The following FAT4 variants were observed in gnomAD, a reference collection of about 807,000 sequenced individuals.
FAT4 encodes the protein protocadherin Fat 4.
A neutral mutation model predicts 303.9 loss-of-function variants in FAT4; 84 were observed. The observed-to-expected ratio is 0.28, with a 90% CI of 0.23 to 0.33. FAT4 has a LOEUF of 0.33. Among genes scored for constraint, FAT4 ranks in the 10% least tolerant of loss-of-function variants. FAT4 has a pLI of 1.00. For synonymous variants in FAT4, 2,307 were observed against 2,298.8 expected, an observed-to-expected ratio of 1.00 and a Z score of -0.10; for missense variants, 6,005 against 6,146.8, an observed-to-expected ratio of 0.98 and a Z score of 0.77.
chr4:125,356,843 T>C (rs1204024305), intron 2 of FAT4, among the ~76,000 whole-genome samples: 1 of 151,134 alleles, frequency 6.6e-6, no homozygotes, highest in Non-Finnish European at 1.5e-5. Context: ...ATCATAGATA[T>C]CTGTATATCA....
At chr4:125,366,450 TA>T (rs1732889809) in intron 2 of FAT4, among the ~76,000 whole-genome samples, 1 of 152,212 alleles carries the variant, frequency 6.6e-6, no homozygotes, top group South Asian at 2.1e-4. Flanking sequence ...AATGGCTGCG[TA>T]GTATTCCATG....
intron 2 of FAT4, among the ~76,000 whole-genome samples, chr4:125,323,678 G>A (rs1339379299): frequency 6.6e-6 from 1 of 152,082 alleles, no homozygotes. Context: ...TATTATTATT[G>A]GTTGGATTTT....
chr4:125,365,378 TCTC>T (rs1393718767), intron 2 of FAT4, among the ~76,000 whole-genome samples: 2 of 152,184 alleles, frequency 1.3e-5, no homozygotes, highest in African/African-American at 2.4e-5. Flanking sequence ...TGGACTCTCT[TCTC>T]ATCATTCAAG....
rs865943935 is a variant in FAT4 at position 125,429,330 on chromosome 4, G to A, written c.7019-4915G>A. ...ACAAGACCTAATGGTATGCATTATG[G>A]GCTAATATAAAAATTAATTAAACAT... On this transcript the variant is annotated intron_variant, in intron 7 of 17. Coordinates refer to ENST00000394329, the MANE Select transcript of FAT4 (RefSeq NM_001291303.3). 1.6e-4 allele frequency among the ~76,000 whole-genome samples: 25 copies of A among 152,178 alleles called. No individual in the cohort carries two copies. In the South Asian group the frequency reaches 2.7e-3, roughly 16 times the overall value.
At chr4:125,471,895 CAAAAAAAAAAA>C (rs60730341) in intron 12 of FAT4, among the ~76,000 whole-genome samples, 12 of 56,118 alleles carry the variant, frequency 2.1e-4, no homozygotes, top group Admixed American at 6.3e-4. Flanking sequence ...ACTAAAAATA[CAAAAAAAAAAA>C]AAAAAAAAAA....
At chr4:125,362,997 G>A (rs1455609314) in intron 2 of FAT4, 3 of 151,630 alleles carry the variant, frequency 2.0e-5, no homozygotes, top group African/African-American at 7.3e-5. Flanking sequence ...TTAGTTGGAT[G>A]GTTTATATAA....
intron 2 of FAT4, among the ~76,000 whole-genome samples, chr4:125,395,816 CAAT>C (rs558801172): frequency 2.6e-4 from 40 of 152,132 alleles, no homozygotes; most frequent in African/African-American, 9.6e-4. Context: ...GTTTTGAACT[CAAT>C]AATATTTAAC....
At chr4:125,410,522 G>A (rs1278282471) in intron 5 of FAT4, among the ~76,000 whole-genome samples, 4 of 152,054 alleles carry the variant, frequency 2.6e-5, no homozygotes, top group African/African-American at 9.7e-5. Context: ...TATTTTCAAA[G>A]CTAATCATGT....
At chr4:125,377,433 T>C (rs1733375983) in intron 2 of FAT4, among the ~76,000 whole-genome samples, 1 of 152,154 alleles carries the variant, frequency 6.6e-6, no homozygotes, top group Non-Finnish European at 1.5e-5. Flanking sequence ...TATTTATGAT[T>C]TGCTTGCTTT....
chr4:125,333,802 C>T (rs746923570), intron 2 of FAT4, among the ~76,000 whole-genome samples: 6 of 152,036 alleles, frequency 3.9e-5, no homozygotes, highest in African/African-American at 7.2e-5. Flanking sequence ...TTGAAAACAT[C>T]GGTGCTGTTT....
chr4:125,426,171 A>G lies in FAT4; in HGVS notation c.7019-8074A>G, dbSNP rs76087738. 5.7e-3 allele frequency among the ~76,000 whole-genome samples: 874 copies of G among 152,182 alleles called. 39 individuals are homozygous for G. In the East Asian group the frequency reaches 0.082, roughly 14 times the overall value. ...AAAAGAGAGGTCAGAATTGTGTAAT[A>G]TGACATTTTACATCCGAAGATAATT... On this transcript the variant is annotated intron_variant, in intron 7 of 17. Transcript: ENST00000394329.
Position 125,448,987 on chromosome 4 carries a change from A to G in FAT4, c.7977A>G (p.Ile2659Met), listed in dbSNP as rs1166806930. 1 of 1,613,808 alleles carries G rather than the reference A, an allele frequency of 6.2e-7. No individual in the cohort carries two copies. The highest frequency in any genetic ancestry group is 8.5e-7 in the Non-Finnish European group (1 of 1,179,904). Reference protein sequence around the residue: ...PPFSSYEKLDITVLDVNDNAP... With the variant: ...PPFSSYEKLDMTVLDVNDNAP... ...TCTCCTCTTACGAGAAACTTGATATAACAGTATTAGATGTCAATGATAATG... is the reference window on the plus strand; with the variant it reads ...TCTCCTCTTACGAGAAACTTGATATGACAGTATTAGATGTCAATGATAATG... The change falls in exon 10 of 18, where the codon ATA becomes ATG. Residue 2659 changes from isoleucine to methionine, a missense_variant. By Grantham distance (10) the Ile-to-Met change is conservative (BLOSUM62 1). Coordinates refer to ENST00000394329, the MANE Select transcript of FAT4 (RefSeq NM_001291303.3).
chr4:125,360,901 T>A lies in FAT4; in HGVS notation c.5176-37883T>A, dbSNP rs147013296. On this transcript the variant is annotated intron_variant, in intron 2 of 17. Transcript: ENST00000394329. ...TTAAGGATTTAATATTTATTAAATT[T>A]TTTATTTATTTATTATTTATTTTAT... Among the ~76,000 whole-genome samples the A allele has an allele frequency of 5.7e-3, 839 of 147,422 alleles. 28 individuals carry two copies. The South Asian group carries it at 0.071, about 12-fold the overall frequency.
At chr4:125,427,873 A>G (rs2126038473) in intron 7 of FAT4, among the ~76,000 whole-genome samples, 1 of 152,306 alleles carries the variant, frequency 6.6e-6, no homozygotes, top group Non-Finnish European at 1.5e-5. Context: ...TTTGATTTAT[A>G]GTTGCTATTA....
intron 2 of FAT4, among the ~76,000 whole-genome samples, chr4:125,383,019 C>A (rs1733599174): frequency 6.6e-6 from 1 of 152,138 alleles, no homozygotes; most frequent in African/African-American, 2.4e-5. Flanking sequence ...CTGTATTAGG[C>A]TTTGCTTTAA....
chr4:125,341,641 T>C (rs1247737732), intron 2 of FAT4, among the ~76,000 whole-genome samples: 1 of 152,076 alleles, frequency 6.6e-6, no homozygotes, highest in Non-Finnish European at 1.5e-5. Context: ...CTAAAAATCA[T>C]TTACATTTAC....
chr4:125,362,558 A>T (rs1732715159), intron 2 of FAT4, among the ~76,000 whole-genome samples: 1 of 152,094 alleles, frequency 6.6e-6, no homozygotes, highest in African/African-American at 2.4e-5. Context: ...TCAGTTTAGG[A>T]TCTGGTCTAG....
Position 125,379,995 on chromosome 4 carries a change from G to A in FAT4, c.5176-18789G>A, listed in dbSNP as rs549333769. Among the ~76,000 whole-genome samples, 198 of 152,252 alleles carry A rather than the reference G, an allele frequency of 1.3e-3. 1 individual carries two copies. Among genetic ancestry groups the A allele is most frequent in the African/African-American group, 4.7e-3 (195 of 41,562 alleles). ...CGCAACCTCCACCTCCAGAGTTCAA[G>A]TGATTCTCCTGCCTCAGCCTCCTGA... is the stretch of plus-strand genomic sequence containing the variant. On this transcript the variant is annotated intron_variant, in intron 2 of 17. Transcript: ENST00000394329.
intron 2 of FAT4, among the ~76,000 whole-genome samples, chr4:125,373,033 A>G (rs1323099196): frequency 1.3e-5 from 2 of 152,204 alleles, no homozygotes; most frequent in Non-Finnish European, 1.5e-5. Context: ...TAAATAAAAC[A>G]TTACCTTTTA....
Sources: allele counts gnomAD v4.1 joint callset (sites outside exome capture counted in the v4.1 genomes callset), GRCh38; gene constraint gnomAD v4.1.1; transcripts MANE v1.5; gene names NCBI Gene and HGNC (gene_info 2026-07-23, HGNC 2026-07-21).